NXPE1: variants seen among roughly 807,000 people sequenced by gnomAD.
The protein encoded by NXPE1 is NXPE family member 1.
A neutral mutation model predicts 33.3 loss-of-function variants in NXPE1; 31 were observed. That is an observed-to-expected ratio of 0.93 (90% CI 0.70 to 1.26). NXPE1 has a LOEUF of 1.26. NXPE1 is among the 50% of genes most tolerant of loss of function. The pLI, the probability that NXPE1 is intolerant of heterozygous loss-of-function variation, is 0.00. For missense variants in NXPE1, 661 were observed against 655.6 expected (o/e 1.01, Z -0.09); for synonymous variants, 229 against 231.4 (o/e 0.99, Z 0.09).
chr11:114,528,013 G>A, intron 6 of NXPE1, 112 bp from the exon 7 acceptor site: 2 of 662,086 alleles, frequency 3.0e-6, no homozygotes, highest in Non-Finnish European at 5.0e-6. Flanking sequence ...ACTGGAAGCT[G>A]TTATTATTGT....
intron 7 of NXPE1, among the ~76,000 whole-genome samples, chr11:114,527,518 C>T (rs115956186): frequency 0.014 from 2,080 of 152,116 alleles, 50 homozygotes; most frequent in African/African-American, 0.048. Context: ...AAACCAAAAC[C>T]GAAAGTGTTC....
At chr11:114,547,012 T>G (rs941724402) in intron 5 of NXPE1, among the ~76,000 whole-genome samples, 3 of 152,184 alleles carry the variant, frequency 2.0e-5, no homozygotes, top group African/African-American at 7.2e-5. Flanking sequence ...AAATCTCTTG[T>G]ACAGAAGAAT....
chr11:114,547,946 T>C (rs950649682), intron 5 of NXPE1, among the ~76,000 whole-genome samples: 2 of 152,156 alleles, frequency 1.3e-5, no homozygotes, highest in African/African-American at 4.8e-5. Flanking sequence ...CTTACAATTT[T>C]TCTGTAAACC....
chr11:114,535,922 C>A (rs1947804184), intron 5 of NXPE1, among the ~76,000 whole-genome samples: 1 of 152,092 alleles, frequency 6.6e-6, no homozygotes, highest in African/African-American at 2.4e-5. Flanking sequence ...CAGCTCTGCA[C>A]CAAGCAGACC....
chr11:114,530,158 A>G lies in NXPE1; in HGVS notation c.833+17T>C, dbSNP rs998148502. The G allele has an allele frequency of 8.3e-6, 13 of 1,574,818 alleles. No individual in the cohort carries two copies. In the Admixed American group the frequency reaches 2.4e-4, roughly 29 times the overall value. On this transcript the variant is annotated intron_variant, in intron 6 of 8. Transcript: ENST00000534921. ...TCTCAGGGGACACTTCTCAGTATAC[A>G]TGAAAAGTATACTCACCTGTGGAAA...
chr11:114,531,764 A>G (rs1227486272), intron 5 of NXPE1, among the ~76,000 whole-genome samples: 1 of 152,026 alleles, frequency 6.6e-6, no homozygotes, highest in East Asian at 1.9e-4. Flanking sequence ...TATCCCCTGA[A>G]TTCCCCCAAA....
At chr11:114,553,060 A>G (rs1045244300) in intron 1 of NXPE1, among the ~76,000 whole-genome samples, 180 bp from the exon 2 acceptor site, 2 of 152,158 alleles carry the variant, frequency 1.3e-5, no homozygotes, top group Non-Finnish European at 2.9e-5. Context: ...CACTGCACCA[A>G]CACTGCTCAA....
At chr11:114,533,231 T>C (rs924345115) in intron 5 of NXPE1, among the ~76,000 whole-genome samples, 4 of 152,184 alleles carry the variant, frequency 2.6e-5, no homozygotes, top group African/African-American at 9.7e-5. Flanking sequence ...AGTATTAAGA[T>C]AGCAAGAAGC....
intron 5 of NXPE1, among the ~76,000 whole-genome samples, chr11:114,535,866 A>T (rs1341267087): frequency 2.0e-5 from 3 of 152,120 alleles, no homozygotes; most frequent in Non-Finnish European, 2.9e-5. Flanking sequence ...AACATTAGAC[A>T]GATCAACGAG....
Position 114,551,248 on chromosome 11 carries a change from T to C in NXPE1, c.-10-37A>G, listed in dbSNP as rs1362497934. 8.7e-6 allele frequency: 12 copies of C among 1,379,594 alleles called. No individual in the cohort carries two copies. In the African/African-American group the frequency reaches 1.4e-4, roughly 17 times the overall value. The allele number at this position is 1,379,594 out of a possible 1,614,324, so 85.5% of individuals were successfully genotyped here. A position where few individuals can be genotyped will look rare whatever the true frequency, so the allele number is the denominator to read the frequency against. On this transcript the variant is annotated intron_variant, in intron 4 of 8. Coordinates refer to ENST00000534921, the Ensembl canonical transcript of NXPE1. ...GACACAAGAGAGGAGTCGTGAGAAG[T>C]GAATCTCTCTGTACTCACTCATTAT... is the stretch of plus-strand genomic sequence containing the variant.
chr11:114,544,789 A>T (rs1948217520), intron 5 of NXPE1, among the ~76,000 whole-genome samples: 1 of 152,194 alleles, frequency 6.6e-6, no homozygotes, highest in Non-Finnish European at 1.5e-5. Context: ...GAGATAAGCC[A>T]TAGAGTGTGA....
At chr11:114,519,397 G>T (rs986737805), downstream of NXPE1, among the ~76,000 whole-genome samples, 1 of 152,114 alleles carries the variant, frequency 6.6e-6, no homozygotes, top group Non-Finnish European at 1.5e-5. Context: ...TAAAGAGATG[G>T]TAAATGTTTT....
chr11:114,522,440 T>C (rs1202890118), exon 9 of NXPE1: 1 of 1,613,604 alleles, frequency 6.2e-7, no homozygotes, highest in Non-Finnish European at 8.5e-7. Flanking sequence ...AGTGTGTCTT[T>C]CTGCATCCAG....
chr11:114,544,003 G>A (rs915742443), intron 5 of NXPE1, among the ~76,000 whole-genome samples: 1 of 152,102 alleles, frequency 6.6e-6, no homozygotes, highest in African/African-American at 2.4e-5. Flanking sequence ...AAAAAGTGAA[G>A]CACTTAAGTA....
chr11:114,551,057 G>A lies in NXPE1; in HGVS notation c.99+46C>T, dbSNP rs567070332. On this transcript the variant is annotated intron_variant, in intron 5 of 8. Transcript: ENST00000534921. ...GACTGACTTGAGGCACGTCACACAGGTGAGGGCTTACTGTGTGATCTGCAT... is the reference window on the plus strand; with the variant it reads ...GACTGACTTGAGGCACGTCACACAGATGAGGGCTTACTGTGTGATCTGCAT... 3.8e-6 allele frequency: 4 copies of A among 1,054,360 alleles called. No individual in the cohort carries two copies. In the African/African-American group the frequency reaches 6.3e-5, roughly 17 times the overall value. 65.3% of individuals were successfully genotyped at this position (1,054,360 alleles called of 1,614,324 possible).
At chr11:114,543,492 GC>G (rs1948170472) in intron 5 of NXPE1, among the ~76,000 whole-genome samples, 1 of 150,696 alleles carries the variant, frequency 6.6e-6, no homozygotes, top group South Asian at 2.1e-4. Flanking sequence ...CTGCACTCCA[GC>G]CTGGGGTACA....
At chr11:114,538,228 G>T (rs1415783215) in intron 5 of NXPE1, among the ~76,000 whole-genome samples, 1 of 152,224 alleles carries the variant, frequency 6.6e-6, no homozygotes, top group East Asian at 1.9e-4. Flanking sequence ...CTAGCCATAT[G>T]TAGAAAGCTG....
In NXPE1 at chr11:114,526,952, C is replaced by T. The variant is rs143602727; in HGVS notation, c.895+888G>A. Reference sequence around the variant, plus strand: ...TTCTCTTCTTCATTCTCTGACTACACGTATCCTTCAGGACTCAGTCAAATA... The same window carrying T: ...TTCTCTTCTTCATTCTCTGACTACATGTATCCTTCAGGACTCAGTCAAATA... On this transcript the variant is annotated intron_variant, in intron 7 of 8. Coordinates refer to ENST00000534921, the Ensembl canonical transcript of NXPE1. 1.5e-3 allele frequency among the ~76,000 whole-genome samples: 235 copies of T among 152,324 alleles called. 1 individual carries two copies. The highest frequency in any genetic ancestry group is 3.4e-3 in the Middle Eastern group (1 of 294).
At chr11:114,520,081 C>T (rs926900460), downstream of NXPE1, among the ~76,000 whole-genome samples, 1 of 152,032 alleles carries the variant, frequency 6.6e-6, no homozygotes, top group Non-Finnish European at 1.5e-5. Flanking sequence ...GCATTACAGG[C>T]GTAAGCCACC....
Sources: gnomAD v4.1 joint callset for allele counts (sites outside exome capture counted in the v4.1 genomes callset) on GRCh38, gnomAD v4.1.1 for gene constraint, MANE v1.5 for transcripts, NCBI Gene and HGNC (gene_info 2026-07-23, HGNC 2026-07-21) for gene names.